Variants in SIMC1 observed in about 807,000 individuals in gnomAD.
SIMC1 encodes the protein SUMO-interacting motif-containing protein 1.
Under a neutral mutation model 82.3 loss-of-function variants are expected in SIMC1, and 55 were observed. That is an observed-to-expected ratio of 0.67 (90% confidence interval 0.54 to 0.84). The LOEUF is 0.84. Among genes scored for constraint, SIMC1 ranks in the 40% least tolerant of loss-of-function variants. The pLI, the probability that SIMC1 is intolerant of heterozygous loss-of-function variation, is 0.00. For missense variants in SIMC1, 915 were observed against 1,107.2 expected (o/e 0.83, Z 2.46); for synonymous variants, 353 against 426.3 (o/e 0.83, Z 2.12).
rs780012016 is a variant in SIMC1 at position 176,345,432 on chromosome 5, G to C, written c.2663G>C (p.Trp888Ser). 6 of 1,613,040 alleles carry C rather than the reference G, an allele frequency of 3.7e-6. No homozygotes were observed. The highest frequency in any genetic ancestry group is 5.1e-6 in the Non-Finnish European group (6 of 1,179,402). ...NPDAEPFQKG[W>S]SGS ...GATGCAGAGCCCTTTCAAAAGGGCT[G>C]GAGCGGCTCCTGAGGGCCTGCCAAG... Residue 888 changes from tryptophan to serine, a missense_variant, in exon 10 of 10, where the codon TGG becomes TCG. By Grantham distance (177) the Trp-to-Ser change is radical. This residue lies in a region of SIMC1 where 902 missense variants were observed against 1,040.3 expected (regional missense o/e 0.87). Transcript: ENST00000429602.
At chr5:176,304,852 G>A (rs1227067121) in intron 4 of SIMC1, among the ~76,000 whole-genome samples, 1 of 150,730 alleles carries the variant, frequency 6.6e-6, no homozygotes, top group African/African-American at 2.4e-5. Context: ...CATCTGGGAT[G>A]TGAGGAGCGC....
intron 1 of SIMC1, among the ~76,000 whole-genome samples, chr5:176,241,572 C>A (rs1761276109): frequency 2.0e-5 from 3 of 151,724 alleles, no homozygotes; most frequent in African/African-American, 7.3e-5. Context: ...TGTAGCTAAC[C>A]CTTGAAGAAC....
Position 176,332,371 on chromosome 5 carries a change from A to G in SIMC1, c.2172-4349A>G, listed in dbSNP as rs142833261. Among the ~76,000 whole-genome samples, 1,171 of 151,852 alleles carry G rather than the reference A, an allele frequency of 7.7e-3. 11 individuals are homozygous for G. Among genetic ancestry groups the G allele is most frequent in the African/African-American group, 0.027 (1,111 of 41,382 alleles). The stretch of plus-strand genomic sequence containing the variant: ...AATGGCACGATCTCAGCTCACCACA[A>G]CCTCCGCCTCCCGGGTTCAAGAGAT... On this transcript the variant is annotated intron_variant, in intron 7 of 9. Transcript: ENST00000429602.
chr5:176,321,761 C>T (rs1391816646), intron 5 of SIMC1, among the ~76,000 whole-genome samples: 1 of 152,070 alleles, frequency 6.6e-6, no homozygotes, highest in Non-Finnish European at 1.5e-5. Context: ...CTGTGGTCAC[C>T]CAGTCTAACT....
chr5:176,255,811 A>G (rs1042540491), intron 1 of SIMC1, among the ~76,000 whole-genome samples: 4 of 151,426 alleles, frequency 2.6e-5, no homozygotes, highest in African/African-American at 9.7e-5. Flanking sequence ...CAACTTTTCT[A>G]GGCCTTCAAG....
At chr5:176,310,375 T>C (rs1764614867) in intron 4 of SIMC1, among the ~76,000 whole-genome samples, 1 of 152,204 alleles carries the variant, frequency 6.6e-6, no homozygotes, top group Non-Finnish European at 1.5e-5. Flanking sequence ...AGGAGCTTTA[T>C]TTGTAATAGC....
chr5:176,281,591 T>C (rs188152252), intron 1 of SIMC1, among the ~76,000 whole-genome samples: 2,910 of 152,286 alleles, frequency 0.019, 51 homozygotes, highest in Non-Finnish European at 0.029. Flanking sequence ...GATGGTGATG[T>C]ACGGATGGGT....
intron 4 of SIMC1, among the ~76,000 whole-genome samples, chr5:176,307,694 C>T (rs1001107308): frequency 1.3e-4 from 20 of 152,186 alleles, no homozygotes; most frequent in African/African-American, 4.8e-4. Flanking sequence ...AGCCACCACG[C>T]CTGGCCTTTA....
intron 1 of SIMC1, among the ~76,000 whole-genome samples, chr5:176,273,735 A>G (rs1010450079): frequency 2.6e-5 from 4 of 151,864 alleles, no homozygotes; most frequent in African/African-American, 9.7e-5. Context: ...ATTCCCACCT[A>G]TGAGTGAGAA....
In SIMC1 at chr5:176,324,649, G is replaced by C; in HGVS notation, c.2063G>C (p.Arg688Thr). ...CTCAGGATTGTGTGCCAGCTTCAGAGGATGCTCTCCATAGCCGTAGAGGTG... is the reference window on the plus strand; with the variant it reads ...CTCAGGATTGTGTGCCAGCTTCAGACGATGCTCTCCATAGCCGTAGAGGTG... ...TNQLIVCQLQ[R>T]MLSIAVEVDR... Residue 688 changes from arginine (R) to threonine (T), a missense_variant, in exon 7 of 10, where the codon AGG becomes ACG. By Grantham distance (71) the Arg-to-Thr change is moderately conservative. Coordinates refer to ENST00000429602, the MANE Select transcript of SIMC1 (RefSeq NM_001308195.2). The C allele has an allele frequency of 6.2e-7, 1 of 1,611,634 alleles. No individual in the cohort carries two copies. The highest frequency in any genetic ancestry group is 8.5e-7 in the Non-Finnish European group (1 of 1,178,972).
chr5:176,276,574 T>G (rs1762711546), intron 1 of SIMC1, among the ~76,000 whole-genome samples: 1 of 147,662 alleles, frequency 6.8e-6, no homozygotes, highest in South Asian at 2.2e-4. Context: ...ATTAGGTATA[T>G]CTCCCAATGC....
At chr5:176,261,615 GC>G (rs887180663) in intron 1 of SIMC1, among the ~76,000 whole-genome samples, 21 of 151,812 alleles carry the variant, frequency 1.4e-4, no homozygotes, top group African/African-American at 4.4e-4. Context: ...AGGTGTGGTG[GC>G]ATGCACCTGT....
intron 4 of SIMC1, among the ~76,000 whole-genome samples, chr5:176,297,243 G>A (rs1763853991): frequency 6.6e-6 from 1 of 152,204 alleles, no homozygotes; most frequent in Admixed American, 6.5e-5. Context: ...GCTCATGCCT[G>A]TAATCCCAGC....
intron 1 of SIMC1, among the ~76,000 whole-genome samples, chr5:176,266,568 A>T (rs1762219469): frequency 7.6e-6 from 1 of 132,368 alleles, no homozygotes; most frequent in African/African-American, 3.0e-5. Context: ...CTAGAACAAC[A>T]AAAACCCCAC....
chr5:176,283,145 C>T (rs975391137), intron 1 of SIMC1, among the ~76,000 whole-genome samples: 3 of 152,152 alleles, frequency 2.0e-5, no homozygotes, highest in Non-Finnish European at 4.4e-5. Context: ...CAAGGAAGGC[C>T]AACATTCAAA....
At chr5:176,334,223 C>A (rs962000693) in intron 7 of SIMC1, among the ~76,000 whole-genome samples, 1 of 152,088 alleles carries the variant, frequency 6.6e-6, no homozygotes, top group African/African-American at 2.4e-5. Context: ...GTGTTCTGGA[C>A]ATTGTGGGCA....
In SIMC1 at chr5:176,276,745, A is replaced by G. The variant is rs1379305179; in HGVS notation, c.130-12909A>G. Among the ~76,000 whole-genome samples the G allele has an allele frequency of 1.0e-3, 145 of 138,174 alleles. 1 individual carries two copies. Among genetic ancestry groups the G allele is most frequent in the Non-Finnish European group, 1.4e-3 (88 of 62,946 alleles). The allele number at this position is 138,174 out of a possible 152,430, so 90.6% of individuals were successfully genotyped here. A position where few individuals can be genotyped will look rare whatever the true frequency, so the allele number is the denominator to read the frequency against. On this transcript the variant is annotated intron_variant, in intron 1 of 9. Transcript: ENST00000429602. The stretch of plus-strand genomic sequence containing the variant: ...AGTTTACTGAGAATGATGATTTCCA[A>G]TTTCATCCATGTCCCTACAAAGGAC...
chr5:176,341,503 G>A (rs751061215), intron 9 of SIMC1, among the ~76,000 whole-genome samples: 7 of 152,214 alleles, frequency 4.6e-5, no homozygotes, highest in Admixed American at 1.3e-4. Flanking sequence ...GATGTGTAGC[G>A]AATCATTTGG....
chr5:176,324,898 A>C, intron 7 of SIMC1, 141 bp downstream of exon 7: 1 of 986,062 alleles, frequency 1.0e-6, no homozygotes, highest in Non-Finnish European at 1.4e-6. Flanking sequence ...TTCCAAACTA[A>C]TTAAGATAGG....
Sources: gnomAD v4.1 joint callset for allele counts (sites outside exome capture counted in the v4.1 genomes callset) on GRCh38, gnomAD v4.1.1 for gene constraint, gnomAD v4.1.1 regional missense constraint, MANE v1.5 for transcripts, NCBI Gene and HGNC (gene_info 2026-07-23, HGNC 2026-07-21) for gene names.